PTPN22: variants seen among roughly 807,000 people sequenced by gnomAD.
The protein encoded by PTPN22 is protein tyrosine phosphatase non-receptor type 22, also known as tyrosine-protein phosphatase non-receptor type 22.
In PTPN22, 85 loss-of-function variants were observed where a neutral mutation model predicts 103.3. That is an observed-to-expected ratio of 0.82 (90% CI 0.69 to 0.99). The LOEUF is 0.99. Among genes scored for constraint, PTPN22 ranks in the 50% least tolerant of loss-of-function variants. The pLI, the probability that PTPN22 is intolerant of heterozygous loss-of-function variation, is 0.00. For missense variants in PTPN22, 865 were observed against 936.9 expected, an observed-to-expected ratio of 0.92 and a Z score of 1.00; for synonymous variants, 323 against 310.2, an observed-to-expected ratio of 1.04 and a Z score of -0.43.
intron 11 of PTPN22, among the ~76,000 whole-genome samples, chr1:113,847,139 C>T (rs1244224754): frequency 2.7e-5 from 4 of 149,108 alleles, no homozygotes; most frequent in African/African-American, 9.8e-5. Flanking sequence ...ACCCTCTATT[C>T]TGCTGTTGAA....
chr1:113,844,011 C>T (rs1195946092), intron 11 of PTPN22, among the ~76,000 whole-genome samples: 2 of 151,844 alleles, frequency 1.3e-5, no homozygotes, highest in East Asian at 1.9e-4. Context: ...CAGGAAAATC[C>T]CTTGAGCCCA....
intron 18 of PTPN22, 24 bp from the exon 19 acceptor site, chr1:113,825,196 A>G: frequency 7.0e-7 from 1 of 1,419,486 alleles, no homozygotes; most frequent in Non-Finnish European, 9.7e-7. Context: ...GAAAAATGTT[A>G]GTTTTTTTTC....
chr1:113,856,403 A>G, exon 7 of PTPN22: 1 of 1,580,384 alleles, frequency 6.3e-7, no homozygotes, highest in Non-Finnish European at 8.6e-7. Flanking sequence ...TAACTTTTAG[A>G]GTCCTGATTA....
chr1:113,865,461 C>T (rs1040759460), intron 1 of PTPN22, among the ~76,000 whole-genome samples: 1 of 152,092 alleles, frequency 6.6e-6, no homozygotes, highest in East Asian at 1.9e-4. Flanking sequence ...GTAGTTGTAA[C>T]GATTAAACGA....
intron 1 of PTPN22, 94 bp from the exon 2 acceptor site, chr1:113,859,554 C>A: frequency 1.0e-6 from 1 of 953,264 alleles, no homozygotes. Flanking sequence ...GCAAAACATT[C>A]TACCTCAACC....
At chr1:113,819,346 A>G (rs2101870930) in intron 20 of PTPN22, 1 of 267,532 alleles carries the variant, frequency 3.7e-6, no homozygotes, top group East Asian at 6.4e-5. Flanking sequence ...ATGCCAACAC[A>G]ATAATTTGGT....
At chr1:113,845,954 G>C (rs1364115061) in intron 11 of PTPN22, among the ~76,000 whole-genome samples, 1 of 152,032 alleles carries the variant, frequency 6.6e-6, no homozygotes, top group Non-Finnish European at 1.5e-5. Flanking sequence ...GCTTTCCTTT[G>C]ATTCATGTTT....
At chr1:113,862,615 T>C (rs1023087167) in intron 1 of PTPN22, among the ~76,000 whole-genome samples, 1 of 152,208 alleles carries the variant, frequency 6.6e-6, no homozygotes, top group East Asian at 1.9e-4. Flanking sequence ...GACCACGATA[T>C]CTTTGCCTTG....
rs952750969 is a variant in PTPN22 at position 113,822,965 on chromosome 1, A to T, written c.2281+2177T>A. Among the ~76,000 whole-genome samples the T allele has an allele frequency of 2.8e-4, 42 of 152,202 alleles. 1 individual carries two copies. The highest frequency in any genetic ancestry group is 1.0e-4 in the Non-Finnish European group (7 of 68,040). On this transcript the variant is annotated intron_variant, in intron 19 of 20. Coordinates refer to ENST00000359785, the Ensembl canonical transcript of PTPN22. ...CAGAGCTAGACTCCGTCTCAAAAAA[A>T]GCGGGGGCTTTCTTGGACTACTCAT... is the stretch of plus-strand genomic sequence containing the variant.
At chr1:113,866,604 T>C (rs551936268) in intron 1 of PTPN22, among the ~76,000 whole-genome samples, 4 of 152,266 alleles carry the variant, frequency 2.6e-5, no homozygotes, top group African/African-American at 9.6e-5. Context: ...AAAAATCATA[T>C]ACATTTTAAT....
At chr1:113,845,144 C>T (rs1663936386) in intron 11 of PTPN22, among the ~76,000 whole-genome samples, 1 of 150,996 alleles carries the variant, frequency 6.6e-6, no homozygotes, top group Non-Finnish European at 1.5e-5. Context: ...TAATTTGATT[C>T]TATTGTGGTT....
intron 13 of PTPN22, among the ~76,000 whole-genome samples, chr1:113,836,006 A>G (rs1662984742): frequency 6.6e-6 from 1 of 152,124 alleles, no homozygotes; most frequent in Non-Finnish European, 1.5e-5. Flanking sequence ...AGTTTAAGGT[A>G]TAAGAAAAGA....
At chr1:113,829,561 G>T (rs2101919941) in intron 18 of PTPN22, 31 bp downstream of exon 18, 3 of 1,333,886 alleles carry the variant, frequency 2.2e-6, no homozygotes, top group Middle Eastern at 2.1e-4. Context: ...AAAGTTTCCG[G>T]CATGTTTCCC....
At chr1:113,831,015 T>C (rs894315332) in intron 16 of PTPN22, among the ~76,000 whole-genome samples, 7 of 152,186 alleles carry the variant, frequency 4.6e-5, no homozygotes, top group African/African-American at 1.7e-4. Flanking sequence ...TGGCATACAG[T>C]AGGCATTTAA....
chr1:113,819,900 A>T (rs1661449011), intron 19 of PTPN22: 1 of 261,740 alleles, frequency 3.8e-6, no homozygotes, highest in Non-Finnish European at 7.1e-6. Flanking sequence ...CCCAACACTA[A>T]AGAAAATTGC....
chr1:113,859,308 A>G lies in PTPN22; in HGVS notation c.196+44T>C. 1.9e-6 allele frequency: 3 copies of G among 1,574,284 alleles called. No individual in the cohort carries two copies. In the Middle Eastern group the frequency reaches 6.0e-4, roughly 314 times the overall value. ...GGGTACAAAGAGATAGTAATGATTGAATTTGGGAGAAAGTATGAGTTTATA... is the reference window on the plus strand; with the variant it reads ...GGGTACAAAGAGATAGTAATGATTGGATTTGGGAGAAAGTATGAGTTTATA... On this transcript the variant is annotated intron_variant, in intron 2 of 20. Transcript: ENST00000359785.
At chr1:113,859,298 G>T in intron 2 of PTPN22, 54 bp downstream of exon 2, 1 of 1,564,246 alleles carries the variant, frequency 6.4e-7, no homozygotes, top group Non-Finnish European at 8.8e-7. Context: ...CAAAGAGATA[G>T]TAATGATTGA....
At chr1:113,846,042 A>G (rs1269398165) in intron 11 of PTPN22, among the ~76,000 whole-genome samples, 2 of 152,202 alleles carry the variant, frequency 1.3e-5, no homozygotes, top group Non-Finnish European at 2.9e-5. Context: ...GACAACATAT[A>G]GTTGAATTGT....
intron 11 of PTPN22, among the ~76,000 whole-genome samples, chr1:113,839,747 C>A (rs1472771022): frequency 6.6e-6 from 1 of 151,864 alleles, no homozygotes; most frequent in African/African-American, 2.4e-5. Flanking sequence ...ATATGAAAAC[C>A]CATAACTAAC....
Sources: gnomAD v4.1 joint callset for allele counts (sites outside exome capture counted in the v4.1 genomes callset) on GRCh38, gnomAD v4.1.1 for gene constraint, MANE v1.5 for transcripts, NCBI Gene and HGNC (gene_info 2026-07-23, HGNC 2026-07-21) for gene names.